WWOX: variants seen among roughly 807,000 people sequenced by gnomAD.
WWOX encodes the protein WW domain-containing oxidoreductase.
WWOX carries 69 observed loss-of-function variants against 46.2 expected under a neutral mutation model. The observed-to-expected ratio is 1.49, with a 90% confidence interval of 1.23 to 1.82. The LOEUF (loss-of-function observed/expected upper bound fraction) is 1.82, where lower values mean the gene tolerates loss of function less well. Among genes scored for constraint, WWOX ranks in the 40% most tolerant of loss-of-function variants. WWOX has a pLI of 0.00. For synonymous variants in WWOX, 359 were observed against 202.6 expected, an observed-to-expected ratio of 1.77 and a Z score of -6.56; for missense variants, 919 against 542.6, an observed-to-expected ratio of 1.69 and a Z score of -6.89.
At chr16:79,066,438 G>A (rs1000618468) in intron 8 of WWOX, among the ~76,000 whole-genome samples, 2 of 152,130 alleles carry the variant, frequency 1.3e-5, no homozygotes, top group Non-Finnish European at 2.9e-5. Context: ...GCGCAATTAG[G>A]CTCACAGTTG....
intron 8 of WWOX, chr16:79,017,274 C>CA (rs201975442): frequency 0.056 from 8,535 of 151,216 alleles, 335 homozygotes; most frequent in Non-Finnish European, 0.085. Context: ...CCTAAAAATA[C>CA]AAAAAATTAG....
intron 8 of WWOX, among the ~76,000 whole-genome samples, chr16:78,982,112 G>T (rs1019485359): frequency 5.3e-5 from 8 of 151,170 alleles, no homozygotes; most frequent in Admixed American, 4.0e-4. Context: ...AACTCCGTGG[G>T]GTTTGTATTC....
intron 5 of WWOX, among the ~76,000 whole-genome samples, chr16:78,196,501 AC>A (rs1455703753): frequency 6.6e-6 from 1 of 152,226 alleles, no homozygotes; most frequent in Non-Finnish European, 1.5e-5. Context: ...CTTTGTAACC[AC>A]ATTAATTACC....
intron 8 of WWOX, among the ~76,000 whole-genome samples, chr16:78,586,247 A>G (rs1047382521): frequency 9.2e-5 from 14 of 152,192 alleles, no homozygotes; most frequent in Admixed American, 8.5e-4. Context: ...CATTGAGCCA[A>G]GATCATGCCA....
chr16:78,670,357 T>C (rs2047430978), intron 8 of WWOX, among the ~76,000 whole-genome samples: 1 of 152,212 alleles, frequency 6.6e-6, no homozygotes, highest in African/African-American at 2.4e-5. Flanking sequence ...CCAGTGACCC[T>C]GGTTCATCCC....
intron 8 of WWOX, among the ~76,000 whole-genome samples, chr16:78,467,288 T>C (rs905176361): frequency 1.3e-5 from 2 of 152,214 alleles, no homozygotes; most frequent in Non-Finnish European, 2.9e-5. Context: ...TGTGTATGTA[T>C]GATGTATATA....
At chr16:78,560,652 TTAATGA>T (rs1233005446) in intron 8 of WWOX, among the ~76,000 whole-genome samples, 5 of 151,934 alleles carry the variant, frequency 3.3e-5, no homozygotes, top group African/African-American at 9.7e-5. Context: ...CTCAAAAAAA[TTAATGA>T]TAATAATGTT....
chr16:78,541,637 C>CA (rs1302948568), intron 8 of WWOX, among the ~76,000 whole-genome samples: 1 of 151,898 alleles, frequency 6.6e-6, no homozygotes, highest in Non-Finnish European at 1.5e-5. Flanking sequence ...GACCTGGGAT[C>CA]AAATCCCGCC....
intron 8 of WWOX, among the ~76,000 whole-genome samples, chr16:78,955,314 C>G (rs1306579939): frequency 6.6e-6 from 1 of 152,180 alleles, no homozygotes; most frequent in Non-Finnish European, 1.5e-5. Context: ...GCTGCACATA[C>G]AACAACGTCA....
intron 6 of WWOX, among the ~76,000 whole-genome samples, chr16:78,393,510 T>A (rs948253608): frequency 5.3e-5 from 8 of 152,128 alleles, no homozygotes; most frequent in African/African-American, 1.9e-4. Context: ...CAAAATTTTT[T>A]AAAAAACGGT....
intron 8 of WWOX, among the ~76,000 whole-genome samples, chr16:78,524,635 G>C (rs973044252): frequency 1.3e-5 from 2 of 151,694 alleles, no homozygotes; most frequent in African/African-American, 2.4e-5. Flanking sequence ...TGGCCAAACT[G>C]GTCTCAAACT....
chr16:78,178,736 T>C (rs953559207), intron 5 of WWOX, among the ~76,000 whole-genome samples: 1 of 151,936 alleles, frequency 6.6e-6, no homozygotes, highest in African/African-American at 2.4e-5. Context: ...TCTTGGCGCA[T>C]GGCTATAATC....
chr16:78,925,951 G>A lies in WWOX; in HGVS notation c.1057-285657G>A, dbSNP rs376158257. 8.2e-4 allele frequency among the ~76,000 whole-genome samples: 125 copies of A among 152,286 alleles called. 1 individual carries two copies. The highest frequency in any genetic ancestry group is 2.9e-3 in the African/African-American group (120 of 41,564). On this transcript the variant is annotated intron_variant, in intron 8 of 8. Coordinates refer to ENST00000566780, the MANE Select transcript of WWOX (RefSeq NM_016373.4). Reference sequence around the variant, plus strand: ...TTCAGACCATGAATGCGATTGGGCAGAAAGACTGTGAACCAAGAGGGCAGG... The same window carrying A: ...TTCAGACCATGAATGCGATTGGGCAAAAAGACTGTGAACCAAGAGGGCAGG...
chr16:78,243,016 A>AAAAAC (rs1230868028), intron 5 of WWOX, among the ~76,000 whole-genome samples: 1 of 151,932 alleles, frequency 6.6e-6, no homozygotes, highest in Non-Finnish European at 1.5e-5. Context: ...AAAAAAAACC[A>AAAAAC]AAAACAAAAA....
intron 8 of WWOX, among the ~76,000 whole-genome samples, chr16:78,536,367 C>T (rs1157926803): frequency 6.6e-6 from 1 of 151,824 alleles, no homozygotes; most frequent in Non-Finnish European, 1.5e-5. Flanking sequence ...GAGAAAGAAG[C>T]TGCGAGCTGT....
At chr16:78,523,618 C>A (rs962924485) in intron 8 of WWOX, among the ~76,000 whole-genome samples, 1 of 152,178 alleles carries the variant, frequency 6.6e-6, no homozygotes, top group Non-Finnish European at 1.5e-5. Flanking sequence ...TATTTTTCTC[C>A]ACCTTGGGTG....
At chr16:78,588,071 C>T (rs1428240593) in intron 8 of WWOX, among the ~76,000 whole-genome samples, 1 of 152,154 alleles carries the variant, frequency 6.6e-6, no homozygotes, top group Non-Finnish European at 1.5e-5. Context: ...GTGGTCACAG[C>T]CCTGCTTTGT....
intron 8 of WWOX, among the ~76,000 whole-genome samples, chr16:79,044,659 A>T (rs1232441366): frequency 6.6e-6 from 1 of 152,192 alleles, no homozygotes. Flanking sequence ...TTCTTTATAA[A>T]TTACCCAGTC....
chr16:78,735,509 T>G (rs970233951), intron 8 of WWOX, among the ~76,000 whole-genome samples: 5 of 152,162 alleles, frequency 3.3e-5, no homozygotes, highest in Non-Finnish European at 7.3e-5. Flanking sequence ...CGAGGACTTA[T>G]GCCGATGTTA....
Sources: allele counts gnomAD v4.1 joint callset (sites outside exome capture counted in the v4.1 genomes callset), GRCh38; gene constraint gnomAD v4.1.1; transcripts MANE v1.5; gene names NCBI Gene and HGNC (gene_info 2026-07-23, HGNC 2026-07-21).